NFIA: variants seen among roughly 807,000 people sequenced by gnomAD.
The protein encoded by NFIA is nuclear factor I A.
NFIA carries 8 observed loss-of-function variants against 62.8 expected under a neutral mutation model. The observed-to-expected ratio is 0.13, with a 90% confidence interval of 0.07 to 0.23. The LOEUF (loss-of-function observed/expected upper bound fraction) is 0.23, where lower values mean the gene tolerates loss of function less well. Among genes scored for constraint, NFIA ranks in the 10% least tolerant of loss-of-function variants. The pLI, the probability that NFIA is intolerant of heterozygous loss-of-function variation, is 1.00. For missense variants in NFIA, 410 were observed against 642.1 expected, an observed-to-expected ratio of 0.64 and a Z score of 3.91; for synonymous variants, 235 against 238.1, an observed-to-expected ratio of 0.99 and a Z score of 0.12.
intron 2 of NFIA, among the ~76,000 whole-genome samples, chr1:61,135,532 G>A (rs887832912): frequency 3.9e-5 from 6 of 152,186 alleles, no homozygotes; most frequent in African/African-American, 1.4e-4. Flanking sequence ...AGCCTCTCAA[G>A]TAGCTGGGAC....
At chr1:61,285,525 C>T (rs185475295) in intron 3 of NFIA, among the ~76,000 whole-genome samples, 385 of 152,218 alleles carry the variant, frequency 2.5e-3, no homozygotes, top group Non-Finnish European at 4.5e-3. Flanking sequence ...ATTCATGTGG[C>T]CACAAGGATT....
At chr1:61,286,542 A>G (rs376564496) in intron 3 of NFIA, among the ~76,000 whole-genome samples, 1 of 152,210 alleles carries the variant, frequency 6.6e-6, no homozygotes, top group African/African-American at 2.4e-5. Flanking sequence ...TAGTCTAGTA[A>G]AAGGGAAAAG....
chr1:61,313,737 T>A lies in NFIA; in HGVS notation c.626-18775T>A, dbSNP rs1415137114. Among the ~76,000 whole-genome samples, 3 of 152,316 alleles carry A rather than the reference T, an allele frequency of 2.0e-5. No individual in the cohort carries two copies. In the East Asian group the frequency reaches 5.8e-4, roughly 29 times the overall value. On this transcript the variant is annotated intron_variant, in intron 3 of 10. Transcript: ENST00000403491. Reference sequence around the variant, plus strand: ...GTACTTAGATGTGCACATCAGGAATTTGTATGTACACATTGATTACAATAA... The same window carrying A: ...GTACTTAGATGTGCACATCAGGAATATGTATGTACACATTGATTACAATAA...
At chr1:61,111,837 A>G (rs980052627) in intron 2 of NFIA, among the ~76,000 whole-genome samples, 2 of 152,172 alleles carry the variant, frequency 1.3e-5, no homozygotes. Context: ...CTTACAATAT[A>G]AAAAACCAAA....
At chr1:61,439,031 A>ACG (rs1461359520) in intron 10 of NFIA, among the ~76,000 whole-genome samples, 6 of 151,616 alleles carry the variant, frequency 4.0e-5, no homozygotes, top group Non-Finnish European at 5.9e-5. Context: ...ACACACACAC[A>ACG]CACACACACC....
rs762871403 is a variant in NFIA at position 61,383,203 on chromosome 1, TAA to T, written c.947-32_947-31del. On this transcript the variant is annotated intron_variant, in intron 6 of 10. Coordinates refer to ENST00000403491, the MANE Select transcript of NFIA (RefSeq NM_001134673.4). The stretch of plus-strand genomic sequence containing the variant: ...TTGCACAAATCATTGTTCCATGAAT[TAA>T]AGTGTACTTACCAGTTGATCCTTCT... The T allele has an allele frequency of 2.3e-5, 37 of 1,610,812 alleles. No homozygotes were observed. The South Asian group carries it at 4.0e-4, about 17-fold the overall frequency.
intron 3 of NFIA, among the ~76,000 whole-genome samples, chr1:61,315,378 A>G (rs967451585): frequency 9.2e-5 from 14 of 152,216 alleles, no homozygotes; most frequent in African/African-American, 2.7e-4. Flanking sequence ...ACTCGCATAC[A>G]TATATGTTTG....
At chr1:61,131,034 A>G (rs1224929427) in intron 2 of NFIA, among the ~76,000 whole-genome samples, 10 of 152,200 alleles carry the variant, frequency 6.6e-5, no homozygotes, top group African/African-American at 2.4e-4. Flanking sequence ...AACATTTTAT[A>G]TAATACCAAT....
rs1418379909 is a variant in NFIA, at chr1:61,277,564, A to T, written c.604A>T (p.Ile202Phe). 1.2e-6 allele frequency: 2 copies of T among 1,613,800 alleles called. No homozygotes were observed. The highest frequency in any genetic ancestry group is 3.3e-5 in the Admixed American group (2 of 59,992). The stretch of plus-strand genomic sequence containing the variant: ...TCCCAGCCAGCCAAGTGACGCTGAC[A>T]TTAAGGACCAGCCAGAAAATGGTAA... ...ESPSQPSDAD[I>F]KDQPENGHLG... The change falls in exon 3 of 11, where the codon ATT becomes TTT. Residue 202 changes from isoleucine to phenylalanine, a missense_variant. Coordinates refer to ENST00000403491, the MANE Select transcript of NFIA (RefSeq NM_001134673.4).
chr1:61,334,121 T>C (rs970022496), intron 4 of NFIA, among the ~76,000 whole-genome samples: 1 of 152,206 alleles, frequency 6.6e-6, no homozygotes, highest in Non-Finnish European at 1.5e-5. Context: ...AGCATGAGAC[T>C]AGACAGGGAA....
At chr1:61,202,441 C>T (rs998095730) in intron 2 of NFIA, among the ~76,000 whole-genome samples, 2 of 152,112 alleles carry the variant, frequency 1.3e-5, no homozygotes, top group Admixed American at 6.5e-5. Context: ...GTATGATCCT[C>T]ACAAGGTACA....
intron 2 of NFIA, among the ~76,000 whole-genome samples, chr1:61,121,608 A>C (rs1646888362): frequency 6.6e-6 from 1 of 152,198 alleles, no homozygotes; most frequent in South Asian, 2.1e-4. Context: ...TTTATGGGAC[A>C]CAGGATTTGT....
At position 61,391,847 on chromosome 1, in the gene NFIA, C is replaced by T. The variant is rs574389123; in HGVS notation, c.1075+8482C>T. ...TTAGTTGGAGAACATGCTGGTGATC[C>T]ACTGAATCTAATTTGTCTCTCCTGG... On this transcript the variant is annotated intron_variant, in intron 7 of 10. Coordinates refer to ENST00000403491, the MANE Select transcript of NFIA (RefSeq NM_001134673.4). 4.6e-5 allele frequency among the ~76,000 whole-genome samples: 7 copies of T among 152,306 alleles called. No individual in the cohort carries two copies. The East Asian group carries it at 1.3e-3, about 29-fold the overall frequency.
intron 2 of NFIA, among the ~76,000 whole-genome samples, chr1:61,260,773 G>C (rs1656718445): frequency 6.6e-6 from 1 of 152,000 alleles, no homozygotes; most frequent in African/African-American, 2.4e-5. Context: ...GTAGAGACGG[G>C]GTTTCACCGT....
At position 61,410,781 on chromosome 1, in the gene NFIA, C is replaced by T. The variant is rs577326271; in HGVS notation, c.1420+4054C>T. Reference sequence around the variant, plus strand: ...AATTAGCTGGGTGTGGTGGCGTGCACCCGTAGTTTCAGCTACTTGGGAGGC... The same window carrying T: ...AATTAGCTGGGTGTGGTGGCGTGCATCCGTAGTTTCAGCTACTTGGGAGGC... On this transcript the variant is annotated intron_variant, in intron 9 of 10. Transcript: ENST00000403491. Among the ~76,000 whole-genome samples, 4 of 152,162 alleles carry T rather than the reference C, an allele frequency of 2.6e-5. 1 individual carries two copies. The highest frequency in any genetic ancestry group is 7.2e-5 in the African/African-American group (3 of 41,518).
intron 5 of NFIA, among the ~76,000 whole-genome samples, chr1:61,353,352 C>T (rs1425692163): frequency 5.9e-5 from 9 of 152,118 alleles, no homozygotes; most frequent in Admixed American, 5.2e-4. Context: ...CTCCCTTTAA[C>T]GTCACAAAGC....
intron 2 of NFIA, among the ~76,000 whole-genome samples, chr1:61,165,317 T>C (rs1242348629): frequency 6.6e-6 from 1 of 152,198 alleles, no homozygotes; most frequent in Non-Finnish European, 1.5e-5. Flanking sequence ...AAGAAATCTC[T>C]TTTTATTAAT....
chr1:61,141,487 G>A (rs1279785339), intron 2 of NFIA, among the ~76,000 whole-genome samples: 5 of 152,110 alleles, frequency 3.3e-5, no homozygotes, highest in East Asian at 1.9e-4. Context: ...CCAATAACTC[G>A]ATTGTTAACA....
chr1:61,305,843 A>ATTTT (rs754217285), intron 3 of NFIA, among the ~76,000 whole-genome samples: 6 of 123,782 alleles, frequency 4.8e-5, no homozygotes, highest in African/African-American at 1.5e-4. Flanking sequence ...TCTTCTTTTG[A>ATTTT]TTTTTTTTTT....
Sources: allele counts gnomAD v4.1 joint callset (sites outside exome capture counted in the v4.1 genomes callset), GRCh38; gene constraint gnomAD v4.1.1; transcripts MANE v1.5; gene names NCBI Gene and HGNC (gene_info 2026-07-23, HGNC 2026-07-21).